The following FYN variants were observed in gnomAD, a reference collection of about 807,000 sequenced individuals.
FYN encodes FYN proto-oncogene, Src family tyrosine kinase.
A neutral mutation model predicts 70.2 loss-of-function variants in FYN; 10 were observed. The ratio of observed to expected loss-of-function variants is 0.14; its 90% CI spans 0.09 to 0.24. The LOEUF (loss-of-function observed/expected upper bound fraction) is 0.24, where lower values mean the gene tolerates loss of function less well. FYN is among the 10% of genes least tolerant of loss of function. The probability of loss-of-function intolerance (pLI) is 1.00; values close to 1 mark genes in which losing one functional copy is unlikely to be tolerated. For missense variants in FYN, 319 were observed against 673.1 expected, an observed-to-expected ratio of 0.47 and a Z score of 5.82; for synonymous variants, 236 against 248.6, an observed-to-expected ratio of 0.95 and a Z score of 0.48.
chr6:111,789,656 A>C (rs996141082), intron 2 of FYN, among the ~76,000 whole-genome samples: 1 of 152,226 alleles, frequency 6.6e-6, no homozygotes, highest in African/African-American at 2.4e-5. Flanking sequence ...ACTGGTAATG[A>C]GTCCCTGTCA....
intron 2 of FYN, among the ~76,000 whole-genome samples, chr6:111,819,552 G>A (rs1043073822): frequency 6.6e-5 from 10 of 151,776 alleles, no homozygotes; most frequent in Non-Finnish European, 1.5e-4. Context: ...TGCCTTCCCC[G>A]AGACCATGAC....
rs1248365155 is a variant in FYN, at chr6:111,723,249, G to C, written c.-11-3187C>G. On this transcript the variant is annotated intron_variant, in intron 3 of 13. Coordinates refer to ENST00000354650, the MANE Select transcript of FYN (RefSeq NM_002037.5). ...TTATCTATAATTTTATGAAGTAATA[G>C]AGAAGAAAAATCATCAGCTCCTTGA... Among the ~76,000 whole-genome samples the C allele has an allele frequency of 2.0e-5, 3 of 152,028 alleles. No homozygotes were observed. The East Asian group carries it at 5.8e-4, about 29-fold the overall frequency.
intron 2 of FYN, among the ~76,000 whole-genome samples, chr6:111,835,396 A>C (rs1427250431): frequency 6.6e-6 from 1 of 152,268 alleles, no homozygotes; most frequent in Non-Finnish European, 1.5e-5. Context: ...AAGGATTGTT[A>C]GGAATAATGC....
Position 111,673,622 on chromosome 6 carries a change from G to GTTTTTTTTTTTT in FYN, c.1405+865_1405+876dup, listed in dbSNP as rs71021858. 2.0e-3 allele frequency among the ~76,000 whole-genome samples: 231 copies of GTTTTTTTTTTTT among 116,560 alleles called. 26 individuals carry two copies. Among genetic ancestry groups the GTTTTTTTTTTTT allele is most frequent in the East Asian group, 6.9e-3 (26 of 3,788 alleles). The allele number at this position is 116,560 out of a possible 152,430, so 76.5% of individuals were successfully genotyped here. On this transcript the variant is annotated intron_variant, in intron 13 of 13. Coordinates refer to ENST00000354650, the MANE Select transcript of FYN (RefSeq NM_002037.5). ...AATCGTCACTATCGTTTCTATCATT[G>GTTTTTTTTTTTT]TTTTTTTTTTTTTTTTTTTCTTTAA...
chr6:111,734,701 C>G (rs571604312), intron 3 of FYN, among the ~76,000 whole-genome samples: 3 of 152,082 alleles, frequency 2.0e-5, no homozygotes, highest in Admixed American at 6.6e-5. Context: ...AACGACCCCC[C>G]CTACCCCAAA....
rs1368207200 is a variant in FYN, at chr6:111,780,638, G to GA, written c.-81-4dup. The stretch of plus-strand genomic sequence containing the variant: ...CTACAACAGAGGCAGGACTGGTCCT[G>GA]AAAAACAATACCACAACAAAAGAAA... On this transcript the variant is annotated splice_region_variant and splice_polypyrimidine_tract_variant and intron_variant, in intron 2 of 13. Coordinates refer to ENST00000354650, the MANE Select transcript of FYN (RefSeq NM_002037.5). 6.6e-6 allele frequency: 1 copy of GA among 152,492 alleles called. No homozygotes were observed. The highest frequency in any genetic ancestry group is 2.4e-5 in the African/African-American group (1 of 41,424). The allele number at this position is 152,492 out of a possible 1,614,324, so 9.4% of individuals were successfully genotyped here.
At chr6:111,858,744 G>A (rs1773886708) in intron 1 of FYN, among the ~76,000 whole-genome samples, 1 of 151,690 alleles carries the variant, frequency 6.6e-6, no homozygotes, top group South Asian at 2.1e-4. Flanking sequence ...TAGGAGGAAG[G>A]GAAAGTAAAT....
At chr6:111,761,777 A>T (rs1386092043) in intron 3 of FYN, among the ~76,000 whole-genome samples, 2 of 152,208 alleles carry the variant, frequency 1.3e-5, no homozygotes, top group African/African-American at 4.8e-5. Flanking sequence ...TGGGACCTCC[A>T]GGACGCTCTG....
intron 2 of FYN, among the ~76,000 whole-genome samples, chr6:111,793,259 T>C (rs1403849097): frequency 6.6e-6 from 1 of 152,228 alleles, no homozygotes; most frequent in Non-Finnish European, 1.5e-5. Flanking sequence ...TATGTTAGGA[T>C]GGCATGAAGC....
chr6:111,720,489 T>C (rs976525510), intron 3 of FYN, among the ~76,000 whole-genome samples: 10 of 152,124 alleles, frequency 6.6e-5, no homozygotes, highest in Admixed American at 6.5e-4. Flanking sequence ...GCACAGGAAA[T>C]TTAAGGAAGA....
intron 2 of FYN, among the ~76,000 whole-genome samples, chr6:111,836,238 C>T (rs537290895): frequency 3.0e-4 from 46 of 152,254 alleles, no homozygotes; most frequent in Admixed American, 2.7e-3. Flanking sequence ...GGGTGAAGAA[C>T]GCTCTCAATG....
chr6:111,700,227 G>C lies in FYN; in HGVS notation c.739C>G (p.His247Asp), dbSNP rs771578344. 6.2e-7 allele frequency: 1 copy of C among 1,614,084 alleles called. No homozygotes were observed. The highest frequency in any genetic ancestry group is 2.2e-5 in the East Asian group (1 of 44,874). The part of the protein sequence containing the change: ...GLCCRLVVPC[H>D]KGMPRLTDLS... Reference sequence around the variant, plus strand: ...TCGGTAAGCCTTGGCATCCCTTTGTGACAGGGAACTACTAGGCGGCAGCAG... The same window carrying C: ...TCGGTAAGCCTTGGCATCCCTTTGTCACAGGGAACTACTAGGCGGCAGCAG... Residue 247 changes from histidine (H) to aspartate (D), a missense_variant, in exon 9 of 14, where the codon CAC (histidine) becomes GAC (aspartate). Coordinates refer to ENST00000354650, the MANE Select transcript of FYN (RefSeq NM_002037.5).
intron 5 of FYN, among the ~76,000 whole-genome samples, chr6:111,713,276 T>G (rs1399573379): frequency 2.0e-5 from 3 of 152,162 alleles, no homozygotes; most frequent in Non-Finnish European, 4.4e-5. Context: ...CAATCAGCAC[T>G]CCTCTTTCCT....
chr6:111,845,799 G>A (rs538509141), intron 2 of FYN, among the ~76,000 whole-genome samples: 1 of 152,320 alleles, frequency 6.6e-6, no homozygotes, highest in African/African-American at 2.4e-5. Flanking sequence ...TGGCTAGCGA[G>A]AGCTGCGACG....
intron 1 of FYN, among the ~76,000 whole-genome samples, chr6:111,869,196 T>A (rs1774199805): frequency 6.6e-6 from 1 of 152,364 alleles, no homozygotes; most frequent in African/African-American, 2.4e-5. Context: ...GGAAGCTCAC[T>A]TAACCTCCGT....
At chr6:111,792,723 C>T (rs1422248978) in intron 2 of FYN, among the ~76,000 whole-genome samples, 1 of 152,184 alleles carries the variant, frequency 6.6e-6, no homozygotes, top group East Asian at 1.9e-4. Flanking sequence ...GGGGGACATC[C>T]AGGCTGTCCC....
chr6:111,724,200 G>A (rs1401335887), intron 3 of FYN, among the ~76,000 whole-genome samples: 3 of 152,242 alleles, frequency 2.0e-5, no homozygotes, highest in African/African-American at 7.2e-5. Flanking sequence ...TTCAAGGAAC[G>A]CCGCACCCTG....
At chr6:111,806,435 T>C (rs1309508257) in intron 2 of FYN, among the ~76,000 whole-genome samples, 2 of 152,182 alleles carry the variant, frequency 1.3e-5, no homozygotes, top group African/African-American at 4.8e-5. Context: ...TCCCTGTCCC[T>C]AGGTTATTCG....
At chr6:111,859,428 G>T (rs1439302683) in intron 1 of FYN, among the ~76,000 whole-genome samples, 1 of 152,124 alleles carries the variant, frequency 6.6e-6, no homozygotes, top group Admixed American at 6.5e-5. Flanking sequence ...TACACACTGT[G>T]CTACAGTTTA....
Sources: gnomAD v4.1 joint callset for allele counts (sites outside exome capture counted in the v4.1 genomes callset) on GRCh38, gnomAD v4.1.1 for gene constraint, MANE v1.5 for transcripts, NCBI Gene and HGNC (gene_info 2026-07-23, HGNC 2026-07-21) for gene names.